Variants in EYS observed in about 807,000 individuals in gnomAD.
EYS encodes the protein EGF-like photoreceptor maintenance factor.
EYS carries 250 observed loss-of-function variants against 282.1 expected under a neutral mutation model. The observed-to-expected ratio is 0.89, with a 90% CI of 0.80 to 0.98. EYS has a LOEUF of 0.98. Ranked by LOEUF, EYS falls within the 50% of genes least tolerant of loss-of-function variation. The probability of loss-of-function intolerance (pLI) is 0.00; values close to 1 mark genes in which losing one functional copy is unlikely to be tolerated. For synonymous variants in EYS, 1,355 were observed against 1,282.9 expected (o/e 1.06, Z -1.20); for missense variants, 4,016 against 3,709.0 (o/e 1.08, Z -2.15).
chr6:65,224,266 G>T (rs1766557574), intron 12 of EYS, among the ~76,000 whole-genome samples: 1 of 152,068 alleles, frequency 6.6e-6, no homozygotes, highest in African/African-American at 2.4e-5. Context: ...CAAAAAAGTA[G>T]AGTTCATAAA....
At chr6:64,206,129 G>C (rs562840018) in intron 31 of EYS, among the ~76,000 whole-genome samples, 25 of 151,952 alleles carry the variant, frequency 1.6e-4, no homozygotes, top group African/African-American at 6.0e-4. Flanking sequence ...ATTTGATTAA[G>C]AATTTATCTT....
chr6:65,127,874 A>T (rs1775765113), intron 12 of EYS, among the ~76,000 whole-genome samples: 1 of 152,062 alleles, frequency 6.6e-6, no homozygotes, highest in African/African-American at 2.4e-5. Flanking sequence ...TTTGTGCAGA[A>T]CTTTCTCTAT....
chr6:64,364,232 T>C (rs1772118338), intron 29 of EYS, among the ~76,000 whole-genome samples: 1 of 151,910 alleles, frequency 6.6e-6, no homozygotes, highest in Non-Finnish European at 1.5e-5. Context: ...ATCTTGGCCA[T>C]GGCTGACTTT....
chr6:64,094,253 G>T (rs1021335562), intron 31 of EYS, among the ~76,000 whole-genome samples: 2 of 152,148 alleles, frequency 1.3e-5, no homozygotes, highest in African/African-American at 4.8e-5. Context: ...TTGGTATCAG[G>T]ATGATGCTGG....
chr6:64,106,014 CTTTTGTTGGTATA>C (rs1278645489), intron 31 of EYS, among the ~76,000 whole-genome samples: 1 of 151,940 alleles, frequency 6.6e-6, no homozygotes, highest in Non-Finnish European at 1.5e-5. Flanking sequence ...GAAAATCTGT[CTTTTGTTGGTATA>C]TTTGGTCTAT....
intron 29 of EYS, 69 bp from the exon 30 acceptor site, chr6:64,307,151 T>G (rs1323699309): frequency 2.4e-6 from 2 of 829,234 alleles, no homozygotes; most frequent in South Asian, 3.1e-5. Context: ...TTATTCTTGC[T>G]TCAAACTGGT....
chr6:65,671,854 G>A (rs964032230), intron 1 of EYS, among the ~76,000 whole-genome samples: 3 of 152,088 alleles, frequency 2.0e-5, no homozygotes, highest in Non-Finnish European at 4.4e-5. Context: ...TATGTCTAAT[G>A]TTCAGATTTG....
At chr6:65,707,110 C>A (rs1412636326) in intron 1 of EYS, 25 bp downstream of exon 1, 1 of 152,040 alleles carries the variant, frequency 6.6e-6, no homozygotes, top group Non-Finnish European at 1.5e-5. Context: ...AAAATAATTT[C>A]TAGGTGGAAT....
At chr6:64,537,228 A>G (rs1460032618) in intron 26 of EYS, among the ~76,000 whole-genome samples, 2 of 137,640 alleles carry the variant, frequency 1.5e-5, no homozygotes, top group African/African-American at 2.7e-5. Context: ...TCATTGTTCA[A>G]TTCCCACCTA....
chr6:63,898,389 G>A (rs1025343833), intron 35 of EYS, among the ~76,000 whole-genome samples: 1 of 152,110 alleles, frequency 6.6e-6, no homozygotes, highest in Non-Finnish European at 1.5e-5. Context: ...TGCTCAGGAG[G>A]CTGAGGCAGG....
chr6:65,312,546 C>T (rs556921013), intron 11 of EYS, among the ~76,000 whole-genome samples: 4 of 152,294 alleles, frequency 2.6e-5, no homozygotes, highest in East Asian at 3.9e-4. Flanking sequence ...CCCTCATCCC[C>T]CACCCATGTC....
chr6:64,356,830 T>G lies in EYS; in HGVS notation c.6078+31860A>C, dbSNP rs73767535. ...TCTGTTTCAACATAATCTCCTTTTT[T>G]TCTTTCCTATTGTAACTACGGGTGC... On this transcript the variant is annotated intron_variant, in intron 29 of 42. Coordinates refer to ENST00000503581, the MANE Select transcript of EYS (RefSeq NM_001142800.2). Among the ~76,000 whole-genome samples, 841 of 151,770 alleles carry G rather than the reference T, an allele frequency of 5.5e-3. 7 individuals carry two copies. The highest frequency in any genetic ancestry group is 0.019 in the African/African-American group (780 of 41,502).
At chr6:64,708,647 A>G (rs1014180512) in intron 22 of EYS, among the ~76,000 whole-genome samples, 3 of 152,188 alleles carry the variant, frequency 2.0e-5, no homozygotes, top group Admixed American at 6.5e-5. Context: ...CCTCAAGGGC[A>G]AAGGCTGGGC....
intron 31 of EYS, among the ~76,000 whole-genome samples, chr6:64,212,908 A>C (rs1305565538): frequency 6.6e-6 from 1 of 152,230 alleles, no homozygotes; most frequent in Non-Finnish European, 1.5e-5. Flanking sequence ...GTACCTAGAC[A>C]TCATGAAATA....
At chr6:63,727,725 A>ATATATATATATAT in intron 41 of EYS, among the ~76,000 whole-genome samples, 1 of 62,700 alleles carries the variant, frequency 1.6e-5, no homozygotes, top group Non-Finnish European at 2.7e-5. Flanking sequence ...AAAAAAAAAA[A>ATATATATATATAT]AAAAAAAAAA....
intron 12 of EYS, among the ~76,000 whole-genome samples, chr6:65,136,151 T>C (rs961126449): frequency 6.6e-5 from 10 of 152,014 alleles, no homozygotes; most frequent in African/African-American, 2.4e-4. Context: ...ATACAGTACA[T>C]TGAAGAATTT....
At chr6:65,433,380 G>A (rs1420295363) in intron 5 of EYS, among the ~76,000 whole-genome samples, 1 of 151,880 alleles carries the variant, frequency 6.6e-6, no homozygotes, top group African/African-American at 2.4e-5. Context: ...TTCATTCCGG[G>A]TCTTAACATT....
chr6:63,993,197 A>G (rs1242216030), intron 34 of EYS, among the ~76,000 whole-genome samples: 1 of 151,820 alleles, frequency 6.6e-6, no homozygotes, highest in African/African-American at 2.4e-5. Context: ...AACAGAATAC[A>G]TATCATACTC....
chr6:65,317,223 G>GA (rs1243780829), intron 11 of EYS, among the ~76,000 whole-genome samples: 1 of 152,022 alleles, frequency 6.6e-6, no homozygotes, highest in African/African-American at 2.4e-5. Flanking sequence ...AGAGATAATG[G>GA]AAAAAATCTG....
Sources: gnomAD v4.1 joint callset for allele counts (sites outside exome capture counted in the v4.1 genomes callset) on GRCh38, gnomAD v4.1.1 for gene constraint, MANE v1.5 for transcripts, NCBI Gene and HGNC (gene_info 2026-07-23, HGNC 2026-07-21) for gene names.